The following FAM3B variants were observed in gnomAD, a reference collection of about 807,000 sequenced individuals.
FAM3B encodes the protein protein FAM3B.
FAM3B carries 29 observed loss-of-function variants against 28.4 expected under a neutral mutation model. The ratio of observed to expected loss-of-function variants is 1.02; its 90% CI spans 0.76 to 1.39. FAM3B has a LOEUF of 1.39. Among genes scored for constraint, FAM3B ranks in the 40% most tolerant of loss-of-function variants. The probability of loss-of-function intolerance (pLI) is 0.00; values close to 1 mark genes in which losing one functional copy is unlikely to be tolerated. For synonymous variants in FAM3B, 91 were observed against 103.0 expected (o/e 0.88, Z 0.71); for missense variants, 266 against 293.9 (o/e 0.91, Z 0.69).
chr21:41,328,931 G>A (rs998904450), intron 2 of FAM3B, among the ~76,000 whole-genome samples: 9 of 152,184 alleles, frequency 5.9e-5, no homozygotes, highest in Non-Finnish European at 1.2e-4. Flanking sequence ...CTCTGATGTC[G>A]CAGCACTTCT....
At chr21:41,347,685 G>A (rs529733417) in intron 6 of FAM3B, among the ~76,000 whole-genome samples, 62 of 149,656 alleles carry the variant, frequency 4.1e-4, no homozygotes, top group Non-Finnish European at 7.8e-4. Flanking sequence ...CCCAGGAGGC[G>A]GAAGTTGCAG....
At chr21:41,337,716 G>A (rs996036234) in intron 2 of FAM3B, among the ~76,000 whole-genome samples, 1 of 151,696 alleles carries the variant, frequency 6.6e-6, no homozygotes, top group African/African-American at 2.4e-5. Context: ...GTGTCTATAT[G>A]GTATGGTGTG....
In FAM3B at chr21:41,348,704, T is replaced by C. The variant is rs777169268; in HGVS notation, c.598T>C (p.Ser200Pro). ...FIAAKGLELP[S>P]EIQREKINHS... The stretch of plus-strand genomic sequence containing the variant: ...TGCAGCAAAAGGCTTGGAACTCCCT[T>C]CCGAAATTCAGAGAGAAAAGGTGAG... Residue 200 changes from serine (S) to proline (P), a missense_variant, in exon 7 of 8, where the codon TCC becomes CCC. Transcript: ENST00000357985. 1 of 1,614,182 alleles carries C rather than the reference T, an allele frequency of 6.2e-7. No individual in the cohort carries two copies. The highest frequency in any genetic ancestry group is 1.1e-5 in the South Asian group (1 of 91,080).
chr21:41,323,000 C>A lies in FAM3B; in HGVS notation c.97C>A (p.Pro33Thr). The change falls in exon 2 of 8, where the codon CCA (proline) becomes ACA (threonine). Residue 33 changes from proline (P) to threonine (T), a missense_variant. Coordinates refer to ENST00000357985, the MANE Select transcript of FAM3B (RefSeq NM_058186.4). Reference sequence around the variant, plus strand: ...GGGGTACCTGCTCGCAGAGCTCATTCCAGATGCACCCCTGTCCAGTGCTGC... The same window carrying A: ...GGGGTACCTGCTCGCAGAGCTCATTACAGATGCACCCCTGTCCAGTGCTGC... ...YSGYLLAELIPDAPLSSAAYS... is the reference protein window; with the variant it reads ...YSGYLLAELITDAPLSSAAYS... 6.2e-7 allele frequency: 1 copy of A among 1,611,136 alleles called. No individual in the cohort carries two copies. Among genetic ancestry groups the A allele is most frequent in the Non-Finnish European group, 8.5e-7 (1 of 1,180,020 alleles).
intron 1 of FAM3B, among the ~76,000 whole-genome samples, chr21:41,311,733 T>G (rs12626413): frequency 0.21 from 32,156 of 152,090 alleles, 3,868 homozygotes; most frequent in East Asian, 0.54. Flanking sequence ...TGGAGAAAAC[T>G]AGTTTCACAC....
chr21:41,345,988 A>C, intron 5 of FAM3B: 1 of 325,020 alleles, frequency 3.1e-6, no homozygotes, highest in Non-Finnish European at 5.6e-6. Flanking sequence ...TTTAGCTCTC[A>C]TGATATAATA....
intron 7 of FAM3B, among the ~76,000 whole-genome samples, chr21:41,353,053 C>G (rs1052705566): frequency 6.6e-6 from 1 of 151,916 alleles, no homozygotes; most frequent in Non-Finnish European, 1.5e-5. Flanking sequence ...ATTCAGAAAG[C>G]AATTGTATTT....
At chr21:41,356,880 C>T (rs1435553445) in intron 7 of FAM3B, among the ~76,000 whole-genome samples, 1 of 152,130 alleles carries the variant, frequency 6.6e-6, no homozygotes, top group Non-Finnish European at 1.5e-5. Flanking sequence ...TTGATCTTTA[C>T]ACATGATATG....
At chr21:41,323,823 T>C (rs570604914) in intron 2 of FAM3B, among the ~76,000 whole-genome samples, 1 of 152,306 alleles carries the variant, frequency 6.6e-6, no homozygotes, top group East Asian at 1.9e-4. Context: ...CATGCTGGGT[T>C]CTGAGGGCTG....
chr21:41,323,331 G>A lies in FAM3B; in HGVS notation c.163+265G>A, dbSNP rs549246846. The stretch of plus-strand genomic sequence containing the variant: ...CCAGACCTTGAACTGTGCTCTTTCC[G>A]CCCAGATCTTGGCTTCCTCCCCTGG... On this transcript the variant is annotated intron_variant, in intron 2 of 7. Transcript: ENST00000357985. Among the ~76,000 whole-genome samples the A allele has an allele frequency of 2.9e-3, 441 of 152,258 alleles. 2 individuals are homozygous for A. Among genetic ancestry groups the A allele is most frequent in the Non-Finnish European group, 3.5e-3 (241 of 68,010 alleles).
At chr21:41,312,515 T>C (rs1215272504), upstream of FAM3B, among the ~76,000 whole-genome samples, 3 of 152,184 alleles carry the variant, frequency 2.0e-5, no homozygotes, top group Non-Finnish European at 2.9e-5. Context: ...TGAGACCTGC[T>C]GGGCTGTAGT....
chr21:41,316,746 G>A, upstream of FAM3B: 1 of 847,084 alleles, frequency 1.2e-6, no homozygotes, highest in East Asian at 3.4e-5. Context: ...TGCCCGACTG[G>A]CCGCGCACCC....
Position 41,347,008 on chromosome 21 carries a change from A to G in FAM3B, c.398-5A>G, listed in dbSNP as rs1280413273. The G allele has an allele frequency of 1.1e-5, 17 of 1,613,824 alleles. No individual in the cohort carries two copies. The highest frequency in any genetic ancestry group is 5.5e-5 in the South Asian group (5 of 91,088). ...ACCCTAAAACTGACTTGCATCCCCC[A>G]ATAGATAACTCTGGACCGATGACAA... On this transcript the variant is annotated splice_polypyrimidine_tract_variant and splice_region_variant and intron_variant, in intron 5 of 7. Transcript: ENST00000357985.
chr21:41,337,766 T>C (rs2088967920), intron 2 of FAM3B, among the ~76,000 whole-genome samples: 1 of 151,638 alleles, frequency 6.6e-6, no homozygotes, highest in Non-Finnish European at 1.5e-5. Context: ...GTGTGAGATG[T>C]GCAGTATGTT....
At chr21:41,307,082 G>A (rs926466090) in intron 1 of FAM3B, among the ~76,000 whole-genome samples, 4 of 152,178 alleles carry the variant, frequency 2.6e-5, no homozygotes, top group African/African-American at 9.7e-5. Context: ...TCCAATATAA[G>A]GCTGTTTGTC....
rs949934670 is a variant in FAM3B, at chr21:41,352,443, G to GA, written c.618+3724dup. On this transcript the variant is annotated intron_variant, in intron 7 of 7. Coordinates refer to ENST00000357985, the MANE Select transcript of FAM3B (RefSeq NM_058186.4). ...AGAAAGGGAAGGGAATGGAAGGAAG[G>GA]AAAAAGGGAAGGGAGGGGAGGGGAG... Among the ~76,000 whole-genome samples, 4 of 148,744 alleles carry GA rather than the reference G, an allele frequency of 2.7e-5. No individual in the cohort carries two copies. The South Asian group carries it at 9.1e-4, about 34-fold the overall frequency.
At chr21:41,333,056 C>T (rs6517664) in intron 2 of FAM3B, among the ~76,000 whole-genome samples, 12,228 of 147,896 alleles carry the variant, frequency 0.083, 725 homozygotes, top group African/African-American at 0.17. Flanking sequence ...TTTTAATGTA[C>T]GCATTTATTA....
rs2088711464 is a variant in FAM3B at position 41,311,254 on chromosome 21, ATATATATATAT to A, written n.99+6945_99+6955del. ...GTCTCTACAAAAAAAAAAAAAAAAT[ATATATATATAT>A]ATATATATATATATATATATATATA... On this transcript the variant is annotated intron_variant and non_coding_transcript_variant, in intron 1 of 9. Coordinates refer to the FAM3B transcript ENST00000479810. Among the ~76,000 whole-genome samples, 97 of 28,232 alleles carry A rather than the reference ATATATATATAT, an allele frequency of 3.4e-3. 1 individual carries two copies. Among genetic ancestry groups the A allele is most frequent in the Admixed American group, 7.4e-3 (16 of 2,176 alleles). The allele number at this position is 28,232 out of a possible 152,430, so 18.5% of individuals were successfully genotyped here.
At chr21:41,350,908 C>A (rs1006977915) in intron 7 of FAM3B, among the ~76,000 whole-genome samples, 1 of 152,206 alleles carries the variant, frequency 6.6e-6, no homozygotes, top group Non-Finnish European at 1.5e-5. Flanking sequence ...ATCTAACCAC[C>A]CCAGCTTATT....
Sources: allele counts gnomAD v4.1 joint callset (sites outside exome capture counted in the v4.1 genomes callset), GRCh38; gene constraint gnomAD v4.1.1; transcripts MANE v1.5; gene names NCBI Gene and HGNC (gene_info 2026-07-23, HGNC 2026-07-21).